AK8: variants seen among roughly 807,000 people sequenced by gnomAD.
AK8 encodes ATP-AMP transphosphorylase 8.
A neutral mutation model predicts 54.6 loss-of-function variants in AK8; 44 were observed. That is an observed-to-expected ratio of 0.81 (90% CI 0.63 to 1.04). AK8 has a LOEUF of 1.04. Among genes scored for constraint, AK8 ranks in the 50% least tolerant of loss-of-function variants. The pLI is 0.00. For missense variants in AK8, 555 were observed against 613.6 expected, an observed-to-expected ratio of 0.90 and a Z score of 1.01; for synonymous variants, 239 against 245.6, an observed-to-expected ratio of 0.97 and a Z score of 0.25.
chr9:132,867,734 G>A (rs1158928044), intron 2 of AK8, among the ~76,000 whole-genome samples: 2 of 152,244 alleles, frequency 1.3e-5, no homozygotes, highest in Non-Finnish European at 2.9e-5. Context: ...TCTGTTCTAG[G>A]CCTGTAACCT....
At chr9:132,742,327 C>T (rs1459691829) in intron 11 of AK8, among the ~76,000 whole-genome samples, 1 of 152,176 alleles carries the variant, frequency 6.6e-6, no homozygotes, top group African/African-American at 2.4e-5. Flanking sequence ...GCACATGCCA[C>T]TACTCCCAGC....
intron 5 of AK8, among the ~76,000 whole-genome samples, chr9:132,842,759 C>T (rs1842596522): frequency 6.6e-6 from 1 of 152,240 alleles, no homozygotes; most frequent in Admixed American, 6.5e-5. Context: ...CATCTGGAGG[C>T]TTGACTGAGG....
intron 9 of AK8, among the ~76,000 whole-genome samples, chr9:132,819,601 A>G (rs1451617973): frequency 6.6e-6 from 1 of 152,228 alleles, no homozygotes; most frequent in Admixed American, 6.5e-5. Flanking sequence ...AACTGACATA[A>G]TAAGTAGAGT....
chr9:132,742,143 T>C (rs542924433), intron 11 of AK8, among the ~76,000 whole-genome samples: 108 of 151,554 alleles, frequency 7.1e-4, no homozygotes, highest in African/African-American at 2.6e-3. Flanking sequence ...ATTTTGTTTA[T>C]GCATCCACGA....
intron 11 of AK8, among the ~76,000 whole-genome samples, chr9:132,771,539 C>T (rs1295129106): frequency 6.6e-6 from 1 of 152,212 alleles, no homozygotes; most frequent in Non-Finnish European, 1.5e-5. Flanking sequence ...GAAAGGGCGC[C>T]TCTTGTAAAG....
chr9:132,760,150 AT>A (rs1337154755), intron 11 of AK8, among the ~76,000 whole-genome samples: 1 of 151,306 alleles, frequency 6.6e-6, no homozygotes, highest in Non-Finnish European at 1.5e-5. Context: ...CATTGTGTTT[AT>A]TTCAGTGTAC....
chr9:132,868,815 T>G (rs1843698147), intron 2 of AK8, among the ~76,000 whole-genome samples: 1 of 152,182 alleles, frequency 6.6e-6, no homozygotes, highest in South Asian at 2.1e-4. Flanking sequence ...CCACCATTAC[T>G]ACTGCCTTAC....
At position 132,837,164 on chromosome 9, in the gene AK8, C is replaced by T. The variant is rs991852069; in HGVS notation, c.403-8438G>A. Among the ~76,000 whole-genome samples the T allele has an allele frequency of 6.6e-6, 1 of 151,930 alleles. No homozygotes were observed. The highest frequency in any genetic ancestry group is 1.5e-5 in the Non-Finnish European group (1 of 67,980). On this transcript the variant is annotated intron_variant, in intron 5 of 12. Coordinates refer to ENST00000298545, the MANE Select transcript of AK8 (RefSeq NM_152572.3). The surrounding 1 kb of genome is among the most constrained non-coding windows in gnomAD (Gnocchi z 4.3). ...TGAAACCCCATCTCTACTAAATATA[C>T]AAAAATTATCTGGGCGTGGTGGCGG... is the stretch of plus-strand genomic sequence containing the variant.
In AK8 at chr9:132,828,040, C is replaced by A; in HGVS notation, c.529G>T (p.Gly177Trp). The A allele has an allele frequency of 6.4e-7, 1 of 1,570,612 alleles. No individual in the cohort carries two copies. Among genetic ancestry groups the A allele is most frequent in the East Asian group, 2.3e-5 (1 of 42,912 alleles). Residue 177 changes from glycine (G) to tryptophan (W), a missense_variant, in exon 7 of 13, where the codon GGG becomes TGG. By Grantham distance (184) the Gly-to-Trp change is radical. Coordinates refer to ENST00000298545, the MANE Select transcript of AK8 (RefSeq NM_152572.3). ...CCAGTTTGAGGGTCGATTCTCTTCC[C>A]CAAGTTTCTCTCGATCAGGACCGTG... The part of the protein sequence containing the change: ...PDTVLIERNL[G>W]KRIDPQTGEI...
intron 11 of AK8, among the ~76,000 whole-genome samples, chr9:132,728,732 G>T (rs761423427): frequency 1.3e-5 from 2 of 152,044 alleles, no homozygotes; most frequent in African/African-American, 2.4e-5. Context: ...AAAGGAGCAG[G>T]ACACTCCTGC....
chr9:132,792,605 G>A (rs987197751), intron 11 of AK8, 29 bp downstream of exon 11: 2 of 1,546,348 alleles, frequency 1.3e-6, no homozygotes, highest in South Asian at 2.4e-5. Context: ...GGCTTGGCCA[G>A]GGCTGCTGGC....
intron 10 of AK8, among the ~76,000 whole-genome samples, chr9:132,796,473 G>A (rs559797150): frequency 5.9e-5 from 9 of 152,224 alleles, no homozygotes; most frequent in Non-Finnish European, 7.4e-5. Context: ...GGAAAAAGAT[G>A]TGTATACAAA....
In AK8 at chr9:132,860,597, G is replaced by C. The variant is rs1027656896; in HGVS notation, c.333+3068C>G. Among the ~76,000 whole-genome samples, 3 of 152,236 alleles carry C rather than the reference G, an allele frequency of 2.0e-5. No homozygotes were observed. Among genetic ancestry groups the C allele is most frequent in the African/African-American group, 7.2e-5 (3 of 41,458 alleles). On this transcript the variant is annotated intron_variant, in intron 4 of 12. Coordinates refer to ENST00000298545, the MANE Select transcript of AK8 (RefSeq NM_152572.3). This position sits in a 1 kb window ranked among gnomAD's most constrained non-coding sequence, Gnocchi z 4.4. ...GCATTCTACAGGACTAGACAGGGGA[G>C]CATGTTTGGCTTTCTCTGGCTGGTC...
At position 132,823,352 on chromosome 9, in the gene AK8, A is replaced by T. The variant is rs1179730209; in HGVS notation, c.758-16T>A. 1 of 1,613,346 alleles carries T rather than the reference A, an allele frequency of 6.2e-7. No individual in the cohort carries two copies. Among genetic ancestry groups the T allele is most frequent in the African/African-American group, 1.3e-5 (1 of 74,890 alleles). ...TAGGTCAGAGCTGGAAAGAGAGGAT[A>T]TGAGGATAATAAACCCAGGTCCTAG... On this transcript the variant is annotated splice_polypyrimidine_tract_variant and intron_variant, in intron 8 of 12. Transcript: ENST00000298545.
In AK8 at chr9:132,837,021, C is replaced by T. The variant is rs1345672935; in HGVS notation, c.403-8295G>A. Reference sequence around the variant, plus strand: ...CATTTGAAAAACAGACCAAACTCAGCCTAAGAATGGGAGAACGGGCCAGGC... The same window carrying T: ...CATTTGAAAAACAGACCAAACTCAGTCTAAGAATGGGAGAACGGGCCAGGC... On this transcript the variant is annotated intron_variant, in intron 5 of 12. Transcript: ENST00000298545. This position sits in a 1 kb window ranked among gnomAD's most constrained non-coding sequence, Gnocchi z 4.3. Among the ~76,000 whole-genome samples, 1 of 152,158 alleles carries T rather than the reference C, an allele frequency of 6.6e-6. No homozygotes were observed. Among genetic ancestry groups the T allele is most frequent in the Non-Finnish European group, 1.5e-5 (1 of 68,030 alleles).
intron 5 of AK8, among the ~76,000 whole-genome samples, chr9:132,846,991 C>T (rs763482675): frequency 3.9e-5 from 6 of 152,216 alleles, no homozygotes; most frequent in Non-Finnish European, 7.3e-5. Flanking sequence ...TCTCCCGGGC[C>T]GAGATAGAGA....
At chr9:132,730,952 T>C (rs1836816588) in intron 11 of AK8, among the ~76,000 whole-genome samples, 1 of 152,236 alleles carries the variant, frequency 6.6e-6, no homozygotes, top group African/African-American at 2.4e-5. Flanking sequence ...CCTTGGCTTG[T>C]AGACGCCTTT....
chr9:132,858,196 G>A (rs1328445027), intron 4 of AK8, among the ~76,000 whole-genome samples: 1 of 152,228 alleles, frequency 6.6e-6, no homozygotes, highest in East Asian at 1.9e-4. Context: ...GCTGCAATTT[G>A]GATTTTTCTC....
chr9:132,851,056 G>C (rs1386286716), intron 5 of AK8, among the ~76,000 whole-genome samples: 1 of 152,184 alleles, frequency 6.6e-6, no homozygotes, highest in Non-Finnish European at 1.5e-5. Flanking sequence ...TAGGCAAGTT[G>C]GGGGAAAAGA....
Sources: gnomAD v4.1 joint callset for allele counts (sites outside exome capture counted in the v4.1 genomes callset) on GRCh38, gnomAD v4.1.1 for gene constraint, Gnocchi (gnomAD v3.1) non-coding constraint, MANE v1.5 for transcripts, NCBI Gene and HGNC (gene_info 2026-07-23, HGNC 2026-07-21) for gene names.